FTO: variants seen among roughly 807,000 people sequenced by gnomAD.
FTO encodes the protein FTO alpha-ketoglutarate dependent dioxygenase.
FTO carries 47 observed loss-of-function variants against 63.9 expected under a neutral mutation model. That is an observed-to-expected ratio of 0.74 (90% CI 0.58 to 0.94). The LOEUF is 0.94. Ranked by LOEUF, FTO falls within the 40% of genes least tolerant of loss-of-function variation. FTO has a pLI of 0.00. For missense variants in FTO, 562 were observed against 618.1 expected (o/e 0.91, Z 0.96); for synonymous variants, 207 against 224.4 (o/e 0.92, Z 0.69).
intron 2 of FTO, among the ~76,000 whole-genome samples, chr16:53,823,249 C>T (rs1378897272): frequency 5.3e-5 from 8 of 152,158 alleles, no homozygotes; most frequent in South Asian, 4.1e-4. Flanking sequence ...TTGAGTACCC[C>T]GCCCTTCTAG....
chr16:53,793,627 A>C (rs1598674306), intron 1 of FTO, among the ~76,000 whole-genome samples: 1 of 152,206 alleles, frequency 6.6e-6, no homozygotes, highest in African/African-American at 2.4e-5. Flanking sequence ...AAGAGAAGTG[A>C]ACTCTGCTAG....
intron 8 of FTO, among the ~76,000 whole-genome samples, chr16:54,012,822 T>A (rs1299804446): frequency 6.6e-6 from 1 of 150,548 alleles, no homozygotes; most frequent in African/African-American, 2.4e-5. Flanking sequence ...TGTTGAGACC[T>A]CCTTCTCAGA....
intron 8 of FTO, among the ~76,000 whole-genome samples, chr16:54,027,934 A>G (rs2084750661): frequency 6.6e-6 from 1 of 152,076 alleles, no homozygotes; most frequent in East Asian, 1.9e-4. Flanking sequence ...ATGTAGCCTC[A>G]TTATCCTTCT....
At chr16:54,043,001 T>C (rs1424952315) in intron 8 of FTO, among the ~76,000 whole-genome samples, 1 of 56,302 alleles carries the variant, frequency 1.8e-5, no homozygotes, top group Non-Finnish European at 2.6e-5. Flanking sequence ...ACCACAAAGA[T>C]GGGGAAAAAA....
intron 8 of FTO, among the ~76,000 whole-genome samples, chr16:53,939,231 T>G (rs1300273174): frequency 6.6e-6 from 1 of 152,252 alleles, no homozygotes; most frequent in Admixed American, 6.5e-5. Flanking sequence ...CATCAAGGTT[T>G]TGGCTTGACT....
intron 8 of FTO, among the ~76,000 whole-genome samples, chr16:53,973,858 T>C (rs538549268): frequency 6.6e-6 from 1 of 152,342 alleles, no homozygotes; most frequent in East Asian, 1.9e-4. Flanking sequence ...CTGTCCACTT[T>C]ACCGTATGTA....
chr16:54,085,493 T>A (rs984247840), intron 8 of FTO, among the ~76,000 whole-genome samples: 3 of 152,230 alleles, frequency 2.0e-5, no homozygotes, highest in Admixed American at 1.3e-4. Context: ...ATGCCCTCCA[T>A]GGCCAAAATC....
chr16:54,027,877 C>T (rs1174783428), intron 8 of FTO, among the ~76,000 whole-genome samples: 1 of 152,072 alleles, frequency 6.6e-6, no homozygotes, highest in African/African-American at 2.4e-5. Context: ...TTTTTTGTAT[C>T]AAGACTGAGT....
intron 8 of FTO, among the ~76,000 whole-genome samples, chr16:53,945,187 C>T (rs563179953): frequency 1.3e-5 from 2 of 152,182 alleles, no homozygotes; most frequent in Non-Finnish European, 2.9e-5. Context: ...GTGAGATCCC[C>T]GGGAGCAGGG....
At chr16:54,062,704 G>T (rs1211513674) in intron 8 of FTO, among the ~76,000 whole-genome samples, 1 of 152,156 alleles carries the variant, frequency 6.6e-6, no homozygotes, top group Non-Finnish European at 1.5e-5. Flanking sequence ...CAGCCATAAG[G>T]AGAGAGAATC....
At chr16:54,083,134 G>T (rs62034120) in intron 8 of FTO, among the ~76,000 whole-genome samples, 1 of 152,048 alleles carries the variant, frequency 6.6e-6, no homozygotes, top group East Asian at 1.9e-4. Flanking sequence ...GAAAGCATTT[G>T]TAGCAGACTT....
At chr16:53,777,186 A>T (rs1368439651) in intron 1 of FTO, among the ~76,000 whole-genome samples, 1 of 152,088 alleles carries the variant, frequency 6.6e-6, no homozygotes, top group Non-Finnish European at 1.5e-5. Context: ...TGAATTTTTT[A>T]CCCTTTGACT....
chr16:53,785,455 G>A (rs9923312), intron 1 of FTO, among the ~76,000 whole-genome samples: 62,002 of 151,962 alleles, frequency 0.41, 13,079 homozygotes, highest in African/African-American at 0.48. Flanking sequence ...TGAGAGTGCT[G>A]TTTTTGATAG....
intron 1 of FTO, among the ~76,000 whole-genome samples, chr16:53,778,823 T>C (rs1401641916): frequency 2.0e-5 from 3 of 151,684 alleles, no homozygotes; most frequent in African/African-American, 4.8e-5. Context: ...CCTTTGGTGA[T>C]AATAAATGTT....
chr16:54,105,314 A>G (rs2086726917), intron 8 of FTO, among the ~76,000 whole-genome samples: 2 of 152,212 alleles, frequency 1.3e-5, no homozygotes, highest in Non-Finnish European at 2.9e-5. Flanking sequence ...TAAAAACAAC[A>G]TTTGCTTCTT....
intron 1 of FTO, among the ~76,000 whole-genome samples, chr16:53,762,483 GTATC>G (rs2077093996): frequency 6.6e-6 from 1 of 152,124 alleles, no homozygotes; most frequent in Non-Finnish European, 1.5e-5. Context: ...ATCCTCCAGA[GTATC>G]TAACAGACAG....
At chr16:53,966,469 A>T (rs147689010) in intron 8 of FTO, among the ~76,000 whole-genome samples, 3 of 152,216 alleles carry the variant, frequency 2.0e-5, no homozygotes, top group African/African-American at 7.2e-5. Context: ...AATTCCAAGC[A>T]GCTGCCTTTA....
chr16:53,751,891 A>C (rs537394630), intron 1 of FTO, among the ~76,000 whole-genome samples: 1 of 152,214 alleles, frequency 6.6e-6, no homozygotes, highest in Non-Finnish European at 1.5e-5. Flanking sequence ...CTCTGATTCA[A>C]GCTGCAGTCA....
At chr16:54,003,753 A>G (rs1288059901) in intron 8 of FTO, among the ~76,000 whole-genome samples, 1 of 152,240 alleles carries the variant, frequency 6.6e-6, no homozygotes, top group African/African-American at 2.4e-5. Context: ...CTAAACTCTT[A>G]TTTAACCTAT....
Sources: allele counts gnomAD v4.1 joint callset (sites outside exome capture counted in the v4.1 genomes callset), GRCh38; gene constraint gnomAD v4.1.1; transcripts MANE v1.5; gene names NCBI Gene and HGNC (gene_info 2026-07-23, HGNC 2026-07-21).